Variants in PIP5K1B observed in about 807,000 individuals in gnomAD.
PIP5K1B encodes phosphatidylinositol-4-phosphate 5-kinase type 1 beta, also known as phosphatidylinositol 4-phosphate 5-kinase type-1 beta.
In PIP5K1B, 42 loss-of-function variants were observed where a neutral mutation model predicts 67.0. The observed-to-expected ratio is 0.63, with a 90% CI of 0.49 to 0.81. The LOEUF is 0.81. Ranked by LOEUF, PIP5K1B falls within the 30% of genes least tolerant of loss-of-function variation. PIP5K1B has a pLI of 0.00. For missense variants in PIP5K1B, 459 were observed against 646.3 expected (o/e 0.71, Z 3.14); for synonymous variants, 214 against 231.4 (o/e 0.92, Z 0.68).
At chr9:68,789,315 A>G in intron 2 of PIP5K1B, 1 of 402,320 alleles carries the variant, frequency 2.5e-6, no homozygotes. Context: ...TTGGAAACCC[A>G]TTGCCAAGCG....
chr9:68,789,780 A>G (rs912632258), intron 2 of PIP5K1B: 4 of 217,358 alleles, frequency 1.8e-5, no homozygotes, highest in Non-Finnish European at 3.6e-5. Context: ...GTCTTCCTCT[A>G]CTGCACGAGC....
At chr9:68,928,894 G>T (rs978288799) in intron 12 of PIP5K1B, among the ~76,000 whole-genome samples, 2 of 152,182 alleles carry the variant, frequency 1.3e-5, no homozygotes, top group African/African-American at 2.4e-5. Flanking sequence ...GCTGGGCACG[G>T]TGGCTCACGC....
Position 68,813,960 on chromosome 9 carries a change from C to T in PIP5K1B, c.-85-4501C>T, listed in dbSNP as rs146096922. Among the ~76,000 whole-genome samples, 278 of 152,280 alleles carry T rather than the reference C, an allele frequency of 1.8e-3. 1 individual carries two copies. Among genetic ancestry groups the T allele is most frequent in the African/African-American group, 6.1e-3 (255 of 41,558 alleles). On this transcript the variant is annotated intron_variant, in intron 2 of 15. Coordinates refer to ENST00000265382, the MANE Select transcript of PIP5K1B (RefSeq NM_003558.4). ...CCACCCAGACTGTCGTACTTTGTAG[C>T]GACAGCCCTAGGAAACTGATAAAAC... is the stretch of plus-strand genomic sequence containing the variant.
At chr9:68,925,011 A>G (rs1398318596) in intron 12 of PIP5K1B, among the ~76,000 whole-genome samples, 2 of 152,178 alleles carry the variant, frequency 1.3e-5, no homozygotes, top group Non-Finnish European at 2.9e-5. Context: ...CTTTTTTCAC[A>G]TAACATTATA....
Position 68,940,599 on chromosome 9 carries a change from C to A in PIP5K1B, c.1358-47C>A, listed in dbSNP as rs374628372. 2.5e-6 allele frequency: 4 copies of A among 1,577,782 alleles called. No homozygotes were observed. The African/African-American group carries it at 5.4e-5, about 21-fold the overall frequency. ...TCAATTATTATAGATACTAAAGCTG[C>A]ATTTATCCTTGAGATTCATGAATGT... On this transcript the variant is annotated intron_variant, in intron 13 of 15. Coordinates refer to ENST00000265382, the MANE Select transcript of PIP5K1B (RefSeq NM_003558.4).
chr9:68,862,101 A>G (rs938542006), intron 4 of PIP5K1B, among the ~76,000 whole-genome samples: 1 of 152,152 alleles, frequency 6.6e-6, no homozygotes, highest in South Asian at 2.1e-4. Context: ...TAGAATAAGC[A>G]AAGTGATGAA....
intron 6 of PIP5K1B, among the ~76,000 whole-genome samples, chr9:68,881,921 G>C (rs889401524): frequency 2.0e-5 from 3 of 152,206 alleles, no homozygotes; most frequent in Admixed American, 6.5e-5. Flanking sequence ...GCGCCAATAA[G>C]AAAGAGAGCA....
At chr9:68,732,958 G>T (rs917351379) in intron 1 of PIP5K1B, among the ~76,000 whole-genome samples, 1 of 151,984 alleles carries the variant, frequency 6.6e-6, no homozygotes, top group Non-Finnish European at 1.5e-5. Context: ...TGATGATGAC[G>T]ACGACGATGA....
At chr9:68,791,633 G>A (rs1831977198) in intron 2 of PIP5K1B, among the ~76,000 whole-genome samples, 1 of 152,110 alleles carries the variant, frequency 6.6e-6, no homozygotes, top group South Asian at 2.1e-4. Context: ...TTTGAGTCAA[G>A]AATTAAAATT....
intron 15 of PIP5K1B, among the ~76,000 whole-genome samples, chr9:69,000,070 GGTGTTACCTTC>G (rs1294913820): frequency 6.6e-6 from 1 of 152,104 alleles, no homozygotes; most frequent in Non-Finnish European, 1.5e-5. Context: ...CAAAAATGAA[GGTGTTACCTTC>G]CCTCAGGTCC....
intron 13 of PIP5K1B, among the ~76,000 whole-genome samples, chr9:68,937,159 T>C (rs1174776117): frequency 2.6e-5 from 4 of 152,202 alleles, no homozygotes; most frequent in African/African-American, 9.7e-5. Flanking sequence ...CTTTTTCTAT[T>C]GTTTGGAATA....
At chr9:68,767,513 G>A (rs1830487059) in intron 2 of PIP5K1B, among the ~76,000 whole-genome samples, 1 of 150,264 alleles carries the variant, frequency 6.7e-6, no homozygotes, top group African/African-American at 2.5e-5. Context: ...GGAATCGCTT[G>A]AACCTGGGAG....
chr9:68,765,091 T>G (rs1185866324), intron 2 of PIP5K1B, among the ~76,000 whole-genome samples: 4 of 152,132 alleles, frequency 2.6e-5, no homozygotes, highest in African/African-American at 9.6e-5. Context: ...TCATTTGTTC[T>G]TAACTGTTTT....
chr9:68,722,269 G>A (rs965553592), intron 1 of PIP5K1B, among the ~76,000 whole-genome samples: 7 of 152,020 alleles, frequency 4.6e-5, no homozygotes, highest in Non-Finnish European at 8.8e-5. Context: ...GCAGTGGTGC[G>A]ATTTTGGCTC....
chr9:68,819,027 T>C (rs1329317266), intron 3 of PIP5K1B, among the ~76,000 whole-genome samples: 3 of 152,224 alleles, frequency 2.0e-5, no homozygotes, highest in Admixed American at 2.0e-4. Flanking sequence ...TCGCTGTGTC[T>C]TTCAGGTGAA....
At chr9:68,893,588 T>C (rs1824924888) in intron 7 of PIP5K1B, among the ~76,000 whole-genome samples, 1 of 152,124 alleles carries the variant, frequency 6.6e-6, no homozygotes, top group African/African-American at 2.4e-5. Context: ...CGCCTTGGCC[T>C]CCCAAAGTGC....
intron 4 of PIP5K1B, among the ~76,000 whole-genome samples, chr9:68,854,490 G>A (rs1420412362): frequency 1.3e-5 from 2 of 151,972 alleles, no homozygotes; most frequent in Non-Finnish European, 2.9e-5. Flanking sequence ...TTTCATGCTG[G>A]GGCAGAAGAA....
intron 4 of PIP5K1B, among the ~76,000 whole-genome samples, chr9:68,825,154 T>C (rs1302558371): frequency 6.6e-6 from 1 of 152,238 alleles, no homozygotes; most frequent in Non-Finnish European, 1.5e-5. Context: ...TATTTCAAAC[T>C]AACTGCATTT....
intron 2 of PIP5K1B, among the ~76,000 whole-genome samples, chr9:68,763,249 C>T (rs1205449201): frequency 1.3e-5 from 2 of 152,086 alleles, no homozygotes; most frequent in Non-Finnish European, 2.9e-5. Flanking sequence ...AAGCATGCTA[C>T]ATTTACAAGA....
Sources: allele counts gnomAD v4.1 joint callset (sites outside exome capture counted in the v4.1 genomes callset), GRCh38; gene constraint gnomAD v4.1.1; transcripts MANE v1.5; gene names NCBI Gene and HGNC (gene_info 2026-07-23, HGNC 2026-07-21).